GPM6A: variants seen among roughly 807,000 people sequenced by gnomAD.
The protein encoded by GPM6A is glycoprotein M6A, also known as neuronal membrane glycoprotein M6-a.
A neutral mutation model predicts 32.1 loss-of-function variants in GPM6A; 7 were observed. The observed-to-expected ratio is 0.22, with a 90% confidence interval of 0.12 to 0.41. The LOEUF is 0.41. Ranked by LOEUF, GPM6A falls within the 10% of genes least tolerant of loss-of-function variation. GPM6A has a pLI of 1.00. For synonymous variants in GPM6A, 130 were observed against 123.4 expected (o/e 1.05, Z -0.35); for missense variants, 235 against 347.2 (o/e 0.68, Z 2.57).
intron 6 of GPM6A, among the ~76,000 whole-genome samples, chr4:175,638,771 A>T (rs1260677526): frequency 6.6e-6 from 1 of 152,148 alleles, no homozygotes; most frequent in Non-Finnish European, 1.5e-5. Flanking sequence ...TACCCGTGTC[A>T]TTAAAGTTTT....
At chr4:175,880,168 G>T (rs1005592965) in intron 1 of GPM6A, among the ~76,000 whole-genome samples, 1 of 152,034 alleles carries the variant, frequency 6.6e-6, no homozygotes, top group African/African-American at 2.4e-5. Context: ...TCTTATTTTT[G>T]TCAGGTTTGT....
At position 175,718,551 on chromosome 4, in the gene GPM6A, G is replaced by A. The variant is rs377149619; in HGVS notation, c.38-16784C>T. Among the ~76,000 whole-genome samples the A allele has an allele frequency of 8.3e-4, 126 of 152,236 alleles. 4 individuals carry two copies. In the East Asian group the frequency reaches 0.011, roughly 14 times the overall value. On this transcript the variant is annotated intron_variant, in intron 1 of 6. Transcript: ENST00000393658. ...GAATCGCTTGAGCCCGGGAGACGGC[G>A]GTTGCAGTGAGCCGAGATTGCGCCA... is the stretch of plus-strand genomic sequence containing the variant.
chr4:175,902,807 G>A (rs1172123555), intron 1 of GPM6A, among the ~76,000 whole-genome samples: 1 of 151,926 alleles, frequency 6.6e-6, no homozygotes, highest in Non-Finnish European at 1.5e-5. Flanking sequence ...TGCTCTTAAC[G>A]TCACGCTGGT....
intron 1 of GPM6A, among the ~76,000 whole-genome samples, chr4:175,746,625 C>A (rs1053215901): frequency 1.3e-5 from 2 of 152,016 alleles, no homozygotes; most frequent in African/African-American, 4.8e-5. Flanking sequence ...AATATCTCTA[C>A]CCTTTAGAGA....
At position 175,827,750 on chromosome 4, in the gene GPM6A, C is replaced by G. The variant is rs115249579; in HGVS notation, c.-22-15501G>C. On this transcript the variant is annotated intron_variant, in intron 1 of 7. Transcript: ENST00000280187. Reference sequence around the variant, plus strand: ...GCCAGCCCTGTTCATCCTCCATGACCTCTTTAAGGTTCTGTTTCCCATTCG... The same window carrying G: ...GCCAGCCCTGTTCATCCTCCATGACGTCTTTAAGGTTCTGTTTCCCATTCG... Among the ~76,000 whole-genome samples, 128 of 152,284 alleles carry G rather than the reference C, an allele frequency of 8.4e-4. 2 individuals carry two copies. Among genetic ancestry groups the G allele is most frequent in the African/African-American group, 3.0e-3 (123 of 41,556 alleles).
At position 175,712,366 on chromosome 4, in the gene GPM6A, G is replaced by A. The variant is rs777999201; in HGVS notation, c.38-10599C>T. Among the ~76,000 whole-genome samples the A allele has an allele frequency of 7.9e-5, 12 of 152,306 alleles. No individual in the cohort carries two copies. The South Asian group carries it at 1.0e-3, about 13-fold the overall frequency. ...GAGCCAGGAGGCCTGATGCTGGCTC[G>A]TGGTGCCCCCAGAGTGCTCCAAATT... On this transcript the variant is annotated intron_variant, in intron 1 of 6. Transcript: ENST00000393658.
rs1327739537 is a variant in GPM6A at position 175,783,033 on chromosome 4, C to T, written c.37+29158G>A. Among the ~76,000 whole-genome samples the T allele has an allele frequency of 2.6e-5, 4 of 151,992 alleles. No individual in the cohort carries two copies. In the East Asian group the frequency reaches 7.7e-4, roughly 29 times the overall value. On this transcript the variant is annotated intron_variant, in intron 1 of 6. Transcript: ENST00000393658. ...TAAAGTAATGCTATTAAATTATTTT[C>T]AAAATGTTCTAGTTTAATGACAGTT...
chr4:175,713,816 T>C (rs910808538), intron 1 of GPM6A, among the ~76,000 whole-genome samples: 1 of 152,158 alleles, frequency 6.6e-6, no homozygotes, highest in Non-Finnish European at 1.5e-5. Context: ...GGAGGAGCAT[T>C]TTCACTGCAT....
intron 1 of GPM6A, among the ~76,000 whole-genome samples, chr4:175,885,070 T>C (rs1737409087): frequency 6.6e-6 from 1 of 152,182 alleles, no homozygotes; most frequent in African/African-American, 2.4e-5. Context: ...TACATATGTA[T>C]GTGCATCAAA....
intron 1 of GPM6A, among the ~76,000 whole-genome samples, chr4:175,931,701 CACACACACATAT>C (rs1366997434): frequency 1.4e-5 from 2 of 146,456 alleles, no homozygotes; most frequent in African/African-American, 2.6e-5. Flanking sequence ...CACACACACA[CACACACACATAT>C]ATATATATAT....
chr4:175,878,916 CT>C (rs1737177536), intron 1 of GPM6A, among the ~76,000 whole-genome samples: 1 of 152,144 alleles, frequency 6.6e-6, no homozygotes, highest in Admixed American at 6.5e-5. Flanking sequence ...AAGCTGAATG[CT>C]TTTAACAGCA....
chr4:175,855,066 A>G (rs1736376285), intron 1 of GPM6A, among the ~76,000 whole-genome samples: 1 of 152,218 alleles, frequency 6.6e-6, no homozygotes, highest in Non-Finnish European at 1.5e-5. Context: ...ATCTTTGAAA[A>G]GATTACATTA....
chr4:175,915,513 C>A (rs1482192276), intron 1 of GPM6A, among the ~76,000 whole-genome samples: 1 of 152,002 alleles, frequency 6.6e-6, no homozygotes, highest in Admixed American at 6.6e-5. Flanking sequence ...ATCATCTTGG[C>A]CAAGCTGGTC....
intron 1 of GPM6A, among the ~76,000 whole-genome samples, chr4:175,818,444 A>AAT (rs1298182456): frequency 6.6e-6 from 1 of 152,070 alleles, no homozygotes; most frequent in African/African-American, 2.4e-5. Flanking sequence ...TATAGTCTGC[A>AAT]ATATATATAT....
intron 3 of GPM6A, among the ~76,000 whole-genome samples, chr4:175,657,649 A>C (rs1248242199): frequency 1.3e-5 from 2 of 152,208 alleles, no homozygotes; most frequent in Non-Finnish European, 2.9e-5. Flanking sequence ...GACATGAGCC[A>C]GATATCTAAA....
intron 1 of GPM6A, among the ~76,000 whole-genome samples, chr4:175,739,225 C>T (rs191201227): frequency 6.6e-6 from 1 of 152,194 alleles, no homozygotes; most frequent in African/African-American, 2.4e-5. Flanking sequence ...TCTATTTACC[C>T]CATTCTTCTC....
chr4:175,821,057 A>G (rs960627538), intron 1 of GPM6A, among the ~76,000 whole-genome samples: 1 of 152,274 alleles, frequency 6.6e-6, no homozygotes, highest in Non-Finnish European at 1.5e-5. Context: ...CTTCAATAAT[A>G]TGTGTGTTAA....
chr4:175,976,328 A>ATTTTTTT (rs34163669), intron 1 of GPM6A, among the ~76,000 whole-genome samples: 32 of 137,306 alleles, frequency 2.3e-4, no homozygotes, highest in African/African-American at 8.2e-4. Flanking sequence ...CGCCTGGCTA[A>ATTTTTTT]TTTTTTTTTT....
intron 1 of GPM6A, among the ~76,000 whole-genome samples, chr4:175,786,004 A>G (rs1733783879): frequency 2.0e-5 from 3 of 152,236 alleles, no homozygotes; most frequent in Admixed American, 2.0e-4. Context: ...AAAGAAAAAA[A>G]AATATGAGAG....
Sources: gnomAD v4.1 joint callset for allele counts (sites outside exome capture counted in the v4.1 genomes callset) on GRCh38, gnomAD v4.1.1 for gene constraint, MANE v1.5 for transcripts, NCBI Gene and HGNC (gene_info 2026-07-23, HGNC 2026-07-21) for gene names.